Variants in PDE1A observed in about 807,000 individuals in gnomAD.
PDE1A encodes the protein dual specificity calcium/calmodulin-dependent 3',5'-cyclic nucleotide phosphodiesterase 1A.
Under a neutral mutation model 61.7 loss-of-function variants are expected in PDE1A, and 35 were observed. The ratio of observed to expected loss-of-function variants is 0.57; its 90% CI spans 0.43 to 0.75. The LOEUF is 0.75. Among genes scored for constraint, PDE1A ranks in the 30% least tolerant of loss-of-function variants. PDE1A has a pLI of 0.00. For synonymous variants in PDE1A, 232 were observed against 213.2 expected (o/e 1.09, Z -0.77); for missense variants, 597 against 630.6 (o/e 0.95, Z 0.57).
chr2:182,681,148 G>GT, the PDE1A span, among the ~76,000 whole-genome samples: 65 of 148,202 alleles, frequency 4.4e-4, no homozygotes, highest in African/African-American at 1.3e-3. Context: ...ACTGGGGCCT[G>GT]TTTTTTTTGT....
chr2:182,484,422 T>G (rs1574770445), intron 2 of PDE1A, among the ~76,000 whole-genome samples: 1 of 151,786 alleles, frequency 6.6e-6, no homozygotes, highest in Admixed American at 6.6e-5. Flanking sequence ...TGGAAGATAA[T>G]CTAGGCAATA....
the PDE1A span, among the ~76,000 whole-genome samples, chr2:182,714,920 G>A: frequency 1.3e-5 from 2 of 152,006 alleles, no homozygotes; most frequent in South Asian, 4.2e-4. Context: ...CTCCAGTTTT[G>A]TATGCTTTGC....
At chr2:182,175,981 G>A (rs1221990845) in intron 13 of PDE1A, among the ~76,000 whole-genome samples, 2 of 146,534 alleles carry the variant, frequency 1.4e-5, no homozygotes, top group East Asian at 2.0e-4. Context: ...GTTTGTCAAA[G>A]ATCAGATAGT....
intron 2 of PDE1A, among the ~76,000 whole-genome samples, chr2:182,257,131 A>G (rs1443450552): frequency 1.3e-5 from 2 of 152,092 alleles, no homozygotes; most frequent in African/African-American, 4.8e-5. Context: ...TTTGGTGTCT[A>G]TTCTTTCTAG....
At chr2:182,671,626 T>C in the PDE1A span, among the ~76,000 whole-genome samples, 2 of 146,500 alleles carry the variant, frequency 1.4e-5, no homozygotes, top group African/African-American at 2.5e-5. Flanking sequence ...TTTTTCTTTT[T>C]TTTTTTTTTT....
chr2:182,374,258 T>C (rs546575636), intron 1 of PDE1A, among the ~76,000 whole-genome samples: 11 of 152,258 alleles, frequency 7.2e-5, no homozygotes, highest in Admixed American at 5.9e-4. Flanking sequence ...AATATCATCA[T>C]GAACACTTGA....
chr2:182,563,122 T>C, the PDE1A span, among the ~76,000 whole-genome samples: 2 of 152,196 alleles, frequency 1.3e-5, no homozygotes, highest in East Asian at 3.8e-4. Context: ...TGCTCTTGCT[T>C]CTCTAGTTCT....
chr2:182,688,431 C>T, the PDE1A span, among the ~76,000 whole-genome samples: 1 of 152,130 alleles, frequency 6.6e-6, no homozygotes, highest in South Asian at 2.1e-4. Context: ...CCAAACTAAG[C>T]TTCATAAGTG....
the PDE1A span, among the ~76,000 whole-genome samples, chr2:182,528,254 C>T: frequency 2.6e-5 from 4 of 152,190 alleles, no homozygotes; most frequent in Middle Eastern, 3.4e-3. Flanking sequence ...CTGAGGTGGT[C>T]TCAAATAGAG....
the PDE1A span, among the ~76,000 whole-genome samples, chr2:182,670,525 C>A: frequency 6.6e-6 from 1 of 152,112 alleles, no homozygotes; most frequent in Non-Finnish European, 1.5e-5. Flanking sequence ...TTGTCCTAGG[C>A]CTAGGGCAAT....
intron 1 of PDE1A, among the ~76,000 whole-genome samples, chr2:182,324,745 A>C (rs1696934014): frequency 6.6e-6 from 1 of 152,176 alleles, no homozygotes; most frequent in Non-Finnish European, 1.5e-5. Context: ...TTCCCCCAGC[A>C]TAGACGGTTT....
intron 2 of PDE1A, among the ~76,000 whole-genome samples, chr2:182,436,033 G>T (rs1015981659): frequency 6.6e-6 from 1 of 151,994 alleles, no homozygotes; most frequent in African/African-American, 2.4e-5. Context: ...CACTGACTTT[G>T]CCAGACTTCC....
chr2:182,167,959 G>C, exon 14 of PDE1A: 1 of 1,172,128 alleles, frequency 8.5e-7, no homozygotes, highest in South Asian at 4.3e-5. Flanking sequence ...AAATTTATTG[G>C]CACTCGGTAA....
intron 2 of PDE1A, among the ~76,000 whole-genome samples, chr2:182,493,622 A>T (rs955836511): frequency 1.1e-4 from 16 of 152,206 alleles, no homozygotes; most frequent in African/African-American, 3.9e-4. Context: ...AGACACATGC[A>T]CAAGTATGTT....
chr2:182,639,052 G>A, the PDE1A span, among the ~76,000 whole-genome samples: 2 of 152,134 alleles, frequency 1.3e-5, no homozygotes, highest in Non-Finnish European at 2.9e-5. Context: ...TTCAGTATGA[G>A]AAACAGAAAG....
the PDE1A span, among the ~76,000 whole-genome samples, chr2:182,528,745 C>T: frequency 2.6e-5 from 4 of 152,288 alleles, no homozygotes; most frequent in Admixed American, 6.5e-5. Context: ...CTAGGGATTT[C>T]GTGCCCTGTA....
chr2:182,192,655 G>A (rs1685796998), intron 10 of PDE1A, among the ~76,000 whole-genome samples: 1 of 152,084 alleles, frequency 6.6e-6, no homozygotes, highest in Admixed American at 6.6e-5. Flanking sequence ...ATTTGAGGAT[G>A]CTGCCTTCAG....
At chr2:182,625,178 G>C in the PDE1A span, among the ~76,000 whole-genome samples, 1 of 152,220 alleles carries the variant, frequency 6.6e-6, no homozygotes, top group Non-Finnish European at 1.5e-5. Context: ...TCCCTCACTA[G>C]ATCCTGACCA....
At chr2:182,312,930 C>A (rs1254014563) in intron 1 of PDE1A, among the ~76,000 whole-genome samples, 1 of 151,708 alleles carries the variant, frequency 6.6e-6, no homozygotes, top group Non-Finnish European at 1.5e-5. Flanking sequence ...TGACCATAAA[C>A]ATAGTATATC....
Sources: gnomAD v4.1 joint callset for allele counts (sites outside exome capture counted in the v4.1 genomes callset) on GRCh38, gnomAD v4.1.1 for gene constraint, MANE v1.5 for transcripts, NCBI Gene and HGNC (gene_info 2026-07-23, HGNC 2026-07-21) for gene names.